Variants in MCU observed in about 807,000 individuals in gnomAD.
MCU encodes mitochondrial calcium uniporter.
A neutral mutation model predicts 45.2 loss-of-function variants in MCU; 12 were observed. The ratio of observed to expected loss-of-function variants is 0.27; its 90% confidence interval spans 0.17 to 0.43. The LOEUF is 0.43. Ranked by LOEUF, MCU falls within the 20% of genes least tolerant of loss-of-function variation. MCU has a pLI of 1.00. For missense variants in MCU, 324 were observed against 436.7 expected, an observed-to-expected ratio of 0.74 and a Z score of 2.30; for synonymous variants, 160 against 165.1, an observed-to-expected ratio of 0.97 and a Z score of 0.24.
intron 1 of MCU, among the ~76,000 whole-genome samples, chr10:72,694,699 T>TCAATGGAGTGG (rs1478841032): frequency 3.3e-5 from 5 of 152,210 alleles, no homozygotes; most frequent in African/African-American, 1.2e-4. Flanking sequence ...TTGGAATGGA[T>TCAATGGAGTGG]CACAAGTCCA....
chr10:72,751,783 T>C (rs1843503295), intron 1 of MCU, among the ~76,000 whole-genome samples: 1 of 152,160 alleles, frequency 6.6e-6, no homozygotes, highest in South Asian at 2.1e-4. Context: ...GTGTCATTCA[T>C]TCAGATGCCA....
intron 1 of MCU, among the ~76,000 whole-genome samples, chr10:72,784,185 G>A (rs190042812): frequency 2.0e-4 from 30 of 152,232 alleles, no homozygotes; most frequent in African/African-American, 5.1e-4. Flanking sequence ...ATTTTCTTCT[G>A]CTCCCTCTTG....
chr10:72,887,145 T>C lies in MCU; in HGVS notation c.*1323T>C. 1 of 152,636 alleles carries C rather than the reference T, an allele frequency of 6.6e-6. No individual in the cohort carries two copies. Among genetic ancestry groups the C allele is most frequent in the Non-Finnish European group, 1.5e-5 (1 of 68,054 alleles). The allele number at this position is 152,636 out of a possible 1,614,324, so 9.5% of individuals were successfully genotyped here. A position where few individuals can be genotyped will look rare whatever the true frequency, so the allele number is the denominator to read the frequency against. On this transcript the variant is annotated 3_prime_UTR_variant, in exon 8 of 8. Transcript: ENST00000373053. ...TGATGGGGGCTGCCACACCACTGATTGGCCTTTTCTTTCACGTGATTCATC... is the reference window on the plus strand; with the variant it reads ...TGATGGGGGCTGCCACACCACTGATCGGCCTTTTCTTTCACGTGATTCATC...
chr10:72,881,514 T>C lies in MCU; in HGVS notation c.862-2752T>C, dbSNP rs146278248. 4.9e-4 allele frequency among the ~76,000 whole-genome samples: 75 copies of C among 152,224 alleles called. No individual in the cohort carries two copies. The East Asian group carries it at 0.014, about 29-fold the overall frequency. ...GGCCAGCCAACATAGCAAGATCCCA[T>C]CTCACAAAAGAGAATGATAAATTAG... On this transcript the variant is annotated intron_variant, in intron 6 of 7. Coordinates refer to ENST00000373053, the MANE Select transcript of MCU (RefSeq NM_138357.3).
chr10:72,696,165 AAAAAAAAAAAAAAAAAAAAATTTT>A (rs1842684670), intron 1 of MCU, among the ~76,000 whole-genome samples: 1 of 148,064 alleles, frequency 6.8e-6, no homozygotes, highest in South Asian at 2.1e-4. Flanking sequence ...CCGACTCAAA[AAAAAAAAAAAAAAAAAAAAATTTT>A]TTTTTTTTTT....
At chr10:72,717,127 CT>C (rs71021527) in intron 1 of MCU, among the ~76,000 whole-genome samples, 82,619 of 138,246 alleles carry the variant, frequency 0.6, 24,930 homozygotes, top group Non-Finnish European at 0.66. Context: ...CTCTCTCTCT[CT>C]TTTTTTTTTT....
intron 1 of MCU, chr10:72,730,729 C>CA (rs1274723011): frequency 1.3e-5 from 2 of 152,196 alleles, no homozygotes; most frequent in African/African-American, 2.4e-5. Flanking sequence ...AATGAGAAGA[C>CA]AAAATCCCTT....
chr10:72,871,233 T>G, intron 5 of MCU, 144 bp from the exon 6 acceptor site: 1 of 748,888 alleles, frequency 1.3e-6, no homozygotes, highest in East Asian at 2.5e-5. Context: ...CTGCAGATAC[T>G]ATTTAGGAAG....
intron 1 of MCU, among the ~76,000 whole-genome samples, chr10:72,723,328 A>T (rs1843050380): frequency 1.3e-5 from 2 of 152,186 alleles, no homozygotes; most frequent in South Asian, 4.1e-4. Context: ...TGATGCTATG[A>T]TTCTTATTTT....
chr10:72,831,663 A>G (rs372029213), intron 1 of MCU, among the ~76,000 whole-genome samples: 5 of 152,170 alleles, frequency 3.3e-5, no homozygotes, highest in African/African-American at 7.2e-5. Flanking sequence ...GTATGGGGGG[A>G]AAATACAGCA....
chr10:72,724,883 A>C (rs1843075368), intron 1 of MCU, among the ~76,000 whole-genome samples: 1 of 152,224 alleles, frequency 6.6e-6, no homozygotes, highest in African/African-American at 2.4e-5. Context: ...CAAAATAAGC[A>C]CTTAGTGTTG....
At chr10:72,807,884 T>C in intron 1 of MCU, among the ~76,000 whole-genome samples, 1 of 152,232 alleles carries the variant, frequency 6.6e-6, no homozygotes, top group East Asian at 1.9e-4. Context: ...GGAAAATAAT[T>C]GATTTCTGTC....
intron 1 of MCU, among the ~76,000 whole-genome samples, chr10:72,748,142 G>T (rs1843441217): frequency 6.6e-6 from 1 of 151,658 alleles, no homozygotes. Context: ...CTGCCTCCCG[G>T]GTTCAAGTGA....
chr10:72,744,951 T>C (rs1843393374), intron 1 of MCU, among the ~76,000 whole-genome samples: 1 of 152,188 alleles, frequency 6.6e-6, no homozygotes, highest in South Asian at 2.1e-4. Context: ...TTTTTGCTTT[T>C]TTGGTTTTGT....
intron 1 of MCU, among the ~76,000 whole-genome samples, chr10:72,770,239 C>T (rs993023619): frequency 1.3e-5 from 2 of 151,886 alleles, no homozygotes; most frequent in African/African-American, 2.4e-5. Flanking sequence ...TATTTTTATA[C>T]CTCTCTTTTC....
rs375414641 is a variant in MCU at position 72,731,475 on chromosome 10, A to G, written c.150+39174A>G. On this transcript the variant is annotated intron_variant, in intron 1 of 7. Coordinates refer to ENST00000373053, the MANE Select transcript of MCU (RefSeq NM_138357.3). ...TGAGGTCCAGTTCGCATAACATAACATTCACCCTTTTAAAGTATACAATTC... is the reference window on the plus strand; with the variant it reads ...TGAGGTCCAGTTCGCATAACATAACGTTCACCCTTTTAAAGTATACAATTC... Among the ~76,000 whole-genome samples the G allele has an allele frequency of 2.6e-5, 4 of 152,176 alleles. No individual in the cohort carries two copies. In the East Asian group the frequency reaches 5.8e-4, roughly 22 times the overall value.
At chr10:72,789,595 A>G (rs1844127259) in intron 1 of MCU, among the ~76,000 whole-genome samples, 1 of 152,164 alleles carries the variant, frequency 6.6e-6, no homozygotes, top group Non-Finnish European at 1.5e-5. Flanking sequence ...ATCCAGATAA[A>G]AAAGGTCAAA....
chr10:72,826,289 G>A (rs1292322517), intron 1 of MCU, among the ~76,000 whole-genome samples: 1 of 151,962 alleles, frequency 6.6e-6, no homozygotes, highest in Non-Finnish European at 1.5e-5. Flanking sequence ...CAGGCCCTAG[G>A]CATCATCAAA....
intron 1 of MCU, among the ~76,000 whole-genome samples, chr10:72,755,105 G>T (rs1404083382): frequency 6.6e-6 from 1 of 151,118 alleles, no homozygotes; most frequent in African/African-American, 2.4e-5. Context: ...ACTACCTGGG[G>T]TCAAATTCTA....
Sources: gnomAD v4.1 joint callset for allele counts (sites outside exome capture counted in the v4.1 genomes callset) on GRCh38, gnomAD v4.1.1 for gene constraint, MANE v1.5 for transcripts, NCBI Gene and HGNC (gene_info 2026-07-23, HGNC 2026-07-21) for gene names.